Variants in CYP2E1 observed in about 807,000 individuals in gnomAD.
The protein encoded by CYP2E1 is cytochrome P450 family 2 subfamily E member 1.
Under a neutral mutation model 42.9 loss-of-function variants are expected in CYP2E1, and 31 were observed. The observed-to-expected ratio is 0.72, with a 90% CI of 0.54 to 0.98. The LOEUF is 0.98. CYP2E1 is among the 50% of genes least tolerant of loss of function. The pLI, the probability that CYP2E1 is intolerant of heterozygous loss-of-function variation, is 0.00. For missense variants in CYP2E1, 565 were observed against 633.2 expected (o/e 0.89, Z 1.16); for synonymous variants, 244 against 248.9 (o/e 0.98, Z 0.19).
intron 8 of CYP2E1, 128 bp downstream of exon 8, chr10:133,538,020 C>G: frequency 1.2e-6 from 1 of 853,058 alleles, no homozygotes; most frequent in South Asian, 2.0e-5. Flanking sequence ...TGCCCTGTTT[C>G]TATTGACAAC....
At chr10:133,535,508 G>A (rs1172013238) in intron 6 of CYP2E1, among the ~76,000 whole-genome samples, 8 of 152,172 alleles carry the variant, frequency 5.3e-5, no homozygotes. Context: ...GAAGGGTGAA[G>A]GAGCCAAAAG....
intron 6 of CYP2E1, among the ~76,000 whole-genome samples, chr10:133,536,446 T>G: frequency 6.8e-6 from 1 of 147,458 alleles, no homozygotes; most frequent in Non-Finnish European, 1.5e-5. Flanking sequence ...GATGGATGGT[T>G]GGATGGATGG....
chr10:133,531,413 C>G (rs137917737), intron 2 of CYP2E1, among the ~76,000 whole-genome samples, 172 bp from the exon 3 acceptor site: 9 of 152,112 alleles, frequency 5.9e-5, no homozygotes, highest in Admixed American at 3.3e-4. Flanking sequence ...GACCAGTGGC[C>G]GGTGCTGGCA....
At chr10:133,528,282 C>A in intron 1 of CYP2E1, 199 bp from the exon 2 acceptor site, 1 of 592,202 alleles carries the variant, frequency 1.7e-6, no homozygotes, top group East Asian at 2.9e-5. Flanking sequence ...GCAGCTGGAA[C>A]CCCCCGAGCG....
rs66518203 is a variant in CYP2E1 at position 133,534,372 on chromosome 10, G to GTCA, written c.967+476_967+477insCAT. Reference sequence around the variant, plus strand: ...GCAGCTACAGCTGCCCTGGACCCTTGTTCCTTCCACAGGGCTCCTCCCAGC... The same window carrying GTCA: ...GCAGCTACAGCTGCCCTGGACCCTTGTCATTCCTTCCACAGGGCTCCTCCCAGC... On this transcript the variant is annotated intron_variant, in intron 6 of 8. Coordinates refer to ENST00000252945, the MANE Select transcript of CYP2E1 (RefSeq NM_000773.4). 4.9e-4 allele frequency among the ~76,000 whole-genome samples: 6 copies of GTCA among 12,188 alleles called. No individual in the cohort carries two copies. The Non-Finnish European group carries it at 8.2e-3, about 17-fold the overall frequency. The allele number at this position is 12,188 out of a possible 152,430, so 8.0% of individuals were successfully genotyped here. A position where few individuals can be genotyped will look rare whatever the true frequency, so the allele number is the denominator to read the frequency against.
intron 2 of CYP2E1, among the ~76,000 whole-genome samples, chr10:133,529,692 G>T (rs1251786828): frequency 6.6e-6 from 1 of 152,248 alleles, no homozygotes; most frequent in African/African-American, 2.4e-5. Context: ...GGGTGTTCGC[G>T]CTCTTGAGCG....
intron 3 of CYP2E1, 87 bp downstream of exon 3, chr10:133,531,821 A>G: frequency 7.4e-7 from 1 of 1,360,032 alleles, no homozygotes; most frequent in Non-Finnish European, 1.0e-6. Flanking sequence ...ACTGCATCTG[A>G]ACCACAGGGA....
rs775306521 is a variant in CYP2E1 at position 133,528,478 on chromosome 10, C to T, written c.178-3C>T. ...CCTGACTTCTAGCCACGGGTCTCCG[C>T]AGTTGGCCCAGCGCTTCGGGCCGGT... is the stretch of plus-strand genomic sequence containing the variant. On this transcript the variant is annotated splice_polypyrimidine_tract_variant and splice_region_variant and intron_variant, in intron 1 of 8. Coordinates refer to ENST00000252945, the MANE Select transcript of CYP2E1 (RefSeq NM_000773.4). 1.2e-6 allele frequency: 2 copies of T among 1,612,520 alleles called. No individual in the cohort carries two copies. The highest frequency in any genetic ancestry group is 1.3e-5 in the African/African-American group (1 of 74,924).
chr10:133,530,231 G>C (rs1851320807), intron 2 of CYP2E1, among the ~76,000 whole-genome samples: 1 of 152,178 alleles, frequency 6.6e-6, no homozygotes, highest in Non-Finnish European at 1.5e-5. Context: ...GCACAATACT[G>C]AGCACAGGCT....
At chr10:133,534,593 G>A (rs1346012222) in intron 6 of CYP2E1, among the ~76,000 whole-genome samples, 1 of 152,234 alleles carries the variant, frequency 6.6e-6, no homozygotes, top group African/African-American at 2.4e-5. Flanking sequence ...TGGCTGGAGA[G>A]TGCCGGGGGG....
chr10:133,537,363 T>A lies in CYP2E1; in HGVS notation c.1155+113T>A, dbSNP rs1264000077. On this transcript the variant is annotated intron_variant, in intron 7 of 8. Transcript: ENST00000252945. ...GACCCTTCCCTTTGGCAGGGGTCAC[T>A]GAGGGGAAGGGCTGGCCCCACTCCC... The A allele has an allele frequency of 3.6e-6, 4 of 1,102,768 alleles. No individual in the cohort carries two copies. In the African/African-American group the frequency reaches 6.2e-5, roughly 17 times the overall value. The allele number at this position is 1,102,768 out of a possible 1,614,324, so 68.3% of individuals were successfully genotyped here.
intron 6 of CYP2E1, among the ~76,000 whole-genome samples, chr10:133,535,949 T>C (rs756482348): frequency 6.6e-6 from 1 of 152,206 alleles, no homozygotes; most frequent in Non-Finnish European, 1.5e-5. Flanking sequence ...ACTCAACATA[T>C]GATGATGTTC....
At chr10:133,536,813 TTGGATGGATGGGTGG>T in intron 6 of CYP2E1, among the ~76,000 whole-genome samples, 2 of 94,788 alleles carry the variant, frequency 2.1e-5, no homozygotes, top group South Asian at 7.8e-4. Context: ...GGATGGGTGG[TTGGATGGATGGGTGG>T]GTGGGTGGAT....
At chr10:133,527,692 T>C in intron 1 of CYP2E1, 120 bp downstream of exon 1, 1 of 783,302 alleles carries the variant, frequency 1.3e-6, no homozygotes, top group East Asian at 2.6e-5. Context: ...GTGAATTACC[T>C]GAATTGATAG....
intron 2 of CYP2E1, among the ~76,000 whole-genome samples, chr10:133,530,342 C>G (rs1253064893): frequency 2.0e-5 from 3 of 152,170 alleles, no homozygotes; most frequent in Admixed American, 6.5e-5. Context: ...CTGTTGAACT[C>G]TGTCTAAATG....
intron 6 of CYP2E1, among the ~76,000 whole-genome samples, chr10:133,535,019 A>G (rs1046013746): frequency 9.9e-5 from 15 of 151,842 alleles, no homozygotes; most frequent in Non-Finnish European, 1.3e-4. Flanking sequence ...GCACACCACC[A>G]CACCCAGCTG....
chr10:133,537,071 C>T lies in CYP2E1; in HGVS notation c.976C>T (p.His326Tyr). 2.5e-6 allele frequency: 4 copies of T among 1,613,344 alleles called. 1 individual carries two copies. The highest frequency in any genetic ancestry group is 3.4e-6 in the Non-Finnish European group (4 of 1,179,578). Residue 326 changes from histidine (H) to tyrosine (Y), a missense_variant, in exon 7 of 9, where the codon CAT (histidine) becomes TAT (tyrosine). Coordinates refer to ENST00000252945, the MANE Select transcript of CYP2E1 (RefSeq NM_000773.4). ...CATTCATATCTTGGCAGAGAAGCTCCATGAAGAAATTGACAGGGTGATTGG... is the reference window on the plus strand; with the variant it reads ...CATTCATATCTTGGCAGAGAAGCTCTATGAAGAAATTGACAGGGTGATTGG... ...MKYPEIEEKL[H>Y]EEIDRVIGPS...
rs925010450 is a variant in CYP2E1 at position 133,527,533 on chromosome 10, C to T, written c.138C>T (p.Phe46=). ...CGCTTCCCATCATCGGGAACCTCTT[C>T]CAGTTGGAATTGAAGAATATTCCCA... ...PFPLPIIGNL[F]QLELKNIPKS... The change falls in exon 1 of 9, where the codon TTC becomes TTT. Residue 46 remains phenylalanine, a synonymous_variant. Coordinates refer to ENST00000252945, the MANE Select transcript of CYP2E1 (RefSeq NM_000773.4). 2 of 1,613,318 alleles carry T rather than the reference C, an allele frequency of 1.2e-6. No homozygotes were observed. The highest frequency in any genetic ancestry group is 1.7e-6 in the Non-Finnish European group (2 of 1,179,808).
At position 133,532,767 on chromosome 10, in the gene CYP2E1, G is replaced by C; in HGVS notation, c.724G>C (p.Val242Leu). ...HRKVIKNVAE[V>L]KEYVSERVKE... ...AAAAGTCATAAAAAATGTGGCTGAA[G>C]TAAAAGAGTATGTGTCTGAAAGGGT... Residue 242 changes from valine (V) to leucine (L), a missense_variant, in exon 5 of 9, where the codon GTA becomes CTA. Physicochemically the swap from Val to Leu is conservative, Grantham distance 32. Transcript: ENST00000252945. 6.2e-7 allele frequency: 1 copy of C among 1,613,594 alleles called. No homozygotes were observed. The highest frequency in any genetic ancestry group is 8.5e-7 in the Non-Finnish European group (1 of 1,179,786).
Sources: gnomAD v4.1 joint callset for allele counts (sites outside exome capture counted in the v4.1 genomes callset) on GRCh38, gnomAD v4.1.1 for gene constraint, MANE v1.5 for transcripts, NCBI Gene and HGNC (gene_info 2026-07-23, HGNC 2026-07-21) for gene names.